CFHR5: variants seen among roughly 807,000 people sequenced by gnomAD.
The protein encoded by CFHR5 is complement factor H related 5.
In CFHR5, 73 loss-of-function variants were observed where a neutral mutation model predicts 62.9. The ratio of observed to expected loss-of-function variants is 1.16; its 90% CI spans 0.96 to 1.41. The LOEUF (loss-of-function observed/expected upper bound fraction) is 1.41. Ranked by LOEUF, CFHR5 falls within the 40% of genes most tolerant of loss-of-function variation. CFHR5 has a pLI of 0.00. For synonymous variants in CFHR5, 249 were observed against 227.2 expected (o/e 1.10, Z -0.86); for missense variants, 779 against 679.9 (o/e 1.15, Z -1.62).
Position 196,977,619 on chromosome 1 carries a change from C to A in CFHR5, c.-46C>A, listed in dbSNP as rs747585174. 9.8e-6 allele frequency: 14 copies of A among 1,435,416 alleles called. No homozygotes were observed. The highest frequency in any genetic ancestry group is 1.4e-5 in the Non-Finnish European group (14 of 1,017,930). 88.9% of individuals were successfully genotyped at this position (1,435,416 alleles called of 1,614,324 possible). ...TGAAAGCAGATTTAAAGCAACACCACCATCACTGGAGTATTTTTAGTTATA... is the reference window on the plus strand; with the variant it reads ...TGAAAGCAGATTTAAAGCAACACCAACATCACTGGAGTATTTTTAGTTATA... On this transcript the variant is annotated 5_prime_UTR_variant, in exon 1 of 10. Transcript: ENST00000256785.
chr1:196,978,800 T>C (rs950676478), intron 1 of CFHR5, among the ~76,000 whole-genome samples: 1 of 152,110 alleles, frequency 6.6e-6, no homozygotes, highest in African/African-American at 2.4e-5. Flanking sequence ...CTGTTACAAA[T>C]GGCATTACAC....
chr1:196,984,444 A>G (rs1019140900), intron 3 of CFHR5, among the ~76,000 whole-genome samples: 7 of 152,212 alleles, frequency 4.6e-5, no homozygotes, highest in African/African-American at 1.7e-4. Flanking sequence ...AAACTGAGGT[A>G]TTAAAGTGCA....
intron 6 of CFHR5, among the ~76,000 whole-genome samples, chr1:196,997,217 T>C (rs1654015795): frequency 6.6e-6 from 1 of 152,108 alleles, no homozygotes; most frequent in Non-Finnish European, 1.5e-5. Flanking sequence ...TCCCAGCAAA[T>C]ACCTGGTCAG....
Position 196,998,183 on chromosome 1 carries a change from C to G in CFHR5, c.1026C>G (p.Leu342=), listed in dbSNP as rs1427015963. 2.5e-6 allele frequency: 4 copies of G among 1,598,832 alleles called. No individual in the cohort carries two copies. The highest frequency in any genetic ancestry group is 3.4e-6 in the Non-Finnish European group (4 of 1,171,428). The part of the protein sequence containing the change: ...KIAGVNIKTL[L]KLSGKEFNHN... ...CAGGAGTTAATATAAAAACATTACT[C>G]AAGCTATCTGGGAAAGAATTTAATC... The change falls in exon 7 of 10, where the codon CTC becomes CTG. Residue 342 remains leucine (L), a synonymous_variant. Coordinates refer to ENST00000256785, the MANE Select transcript of CFHR5 (RefSeq NM_030787.4).
chr1:196,998,034 T>C, intron 6 of CFHR5, 94 bp from the exon 7 acceptor site: 1 of 796,080 alleles, frequency 1.3e-6, no homozygotes, highest in Admixed American at 2.6e-5. Flanking sequence ...TTTTGTGATG[T>C]TGCTTAAAAG....
rs143240067 is a variant in CFHR5 at position 196,996,066 on chromosome 1, T to A, written c.835T>A (p.Tyr279Asn). The change falls in exon 6 of 10, where the codon TAT becomes AAT. Residue 279 changes from tyrosine to asparagine, a missense_variant. Coordinates refer to ENST00000256785, the MANE Select transcript of CFHR5 (RefSeq NM_030787.4). ...CGYIPELEYGYVQPSVPPYQH... is the reference protein window; with the variant it reads ...CGYIPELEYGNVQPSVPPYQH... ...ATACATACCTGAACTCGAGTACGGT[T>A]ATGTTCAGCCGTCTGTCCCTCCCTA... 194 of 1,613,860 alleles carry A rather than the reference T, an allele frequency of 1.2e-4. No homozygotes were observed. The African/African-American group carries it at 2.1e-3, about 17-fold the overall frequency.
chr1:196,984,072 A>G lies in CFHR5; in HGVS notation c.365A>G (p.Asn122Ser). ...TGCAACACAGGATACAGCCTTCAAAACAATGAGAAAAACATTTCGTGTGTA... is the reference window on the plus strand; with the variant it reads ...TGCAACACAGGATACAGCCTTCAAAGCAATGAGAAAAACATTTCGTGTGTA... ...IICNTGYSLQNNEKNISCVER... is the reference protein window; with the variant it reads ...IICNTGYSLQSNEKNISCVER... Residue 122 changes from asparagine (N) to serine (S), a missense_variant, in exon 3 of 10, where the codon AAC becomes AGC. Transcript: ENST00000256785. 6.2e-7 allele frequency: 1 copy of G among 1,613,866 alleles called. No individual in the cohort carries two copies. Among genetic ancestry groups the G allele is most frequent in the Non-Finnish European group, 8.5e-7 (1 of 1,179,832 alleles).
chr1:196,997,548 G>C (rs188812625), intron 6 of CFHR5, among the ~76,000 whole-genome samples: 1 of 152,054 alleles, frequency 6.6e-6, no homozygotes, highest in African/African-American at 2.4e-5. Flanking sequence ...ACTTAGACAA[G>C]CAAGAGGCTT....
intron 4 of CFHR5, among the ~76,000 whole-genome samples, chr1:196,994,889 A>C (rs1448380957): frequency 6.6e-6 from 1 of 152,182 alleles, no homozygotes; most frequent in South Asian, 2.1e-4. Flanking sequence ...TGTGCAGGGA[A>C]ACCTCCCTTT....
chr1:196,987,054 C>T (rs148831004), intron 3 of CFHR5, among the ~76,000 whole-genome samples: 2,700 of 152,176 alleles, frequency 0.018, 29 homozygotes, highest in Middle Eastern at 0.027. Context: ...TTTTAATGAT[C>T]GCCATTCTAA....
intron 3 of CFHR5, among the ~76,000 whole-genome samples, chr1:196,984,608 G>C (rs1243184946): frequency 1.3e-5 from 2 of 152,106 alleles, no homozygotes; most frequent in African/African-American, 4.8e-5. Flanking sequence ...CTTAGAATTT[G>C]GAAAACGATT....
At chr1:196,999,683 GTATATATATATATATATATA>G (rs35191504) in intron 7 of CFHR5, among the ~76,000 whole-genome samples, 47 of 110,654 alleles carry the variant, frequency 4.2e-4, no homozygotes, top group South Asian at 3.4e-3. Context: ...TTGGGAAAAA[GTATATATATATATATATATA>G]TATATATATA....
intron 7 of CFHR5, among the ~76,000 whole-genome samples, chr1:197,000,410 C>T (rs1222253015): frequency 6.6e-6 from 1 of 152,114 alleles, no homozygotes; most frequent in Admixed American, 6.6e-5. Flanking sequence ...TTCAACTAGA[C>T]TCTGTCTTTA....
At chr1:197,002,458 T>C (rs1558290141) in intron 7 of CFHR5, 24 bp from the exon 8 acceptor site, 2 of 1,585,136 alleles carry the variant, frequency 1.3e-6, no homozygotes, top group Non-Finnish European at 1.7e-6. Context: ...ATTAATCATA[T>C]AATTTAATTC....
At chr1:196,977,860 T>G (rs980356488) in intron 1 of CFHR5, 138 bp downstream of exon 1, 1 of 731,144 alleles carries the variant, frequency 1.4e-6, no homozygotes, top group Non-Finnish European at 2.4e-6. Flanking sequence ...ATTCATCTAT[T>G]TTCTGGAAAT....
At chr1:196,985,302 G>A (rs1653654082) in intron 3 of CFHR5, among the ~76,000 whole-genome samples, 1 of 152,084 alleles carries the variant, frequency 6.6e-6, no homozygotes, top group Non-Finnish European at 1.5e-5. Context: ...GACTGCACCA[G>A]TGCACTCCAA....
At chr1:196,985,693 C>T (rs796764641) in intron 3 of CFHR5, among the ~76,000 whole-genome samples, 1 of 152,118 alleles carries the variant, frequency 6.6e-6, no homozygotes, top group African/African-American at 2.4e-5. Context: ...AGAAGCTTGA[C>T]AAATTAAGTT....
chr1:196,980,155 T>C lies in CFHR5; in HGVS notation c.58+2433T>C, dbSNP rs186686529. 7.5e-4 allele frequency among the ~76,000 whole-genome samples: 114 copies of C among 152,280 alleles called. 1 individual carries two copies. In the East Asian group the frequency reaches 0.02, roughly 27 times the overall value. The stretch of plus-strand genomic sequence containing the variant: ...TTCCACTAGAAGGTCTTTAGGGCAG[T>C]AACATGCATGGAGCTGTCCTCTCCT... On this transcript the variant is annotated intron_variant, in intron 1 of 9. Coordinates refer to ENST00000256785, the MANE Select transcript of CFHR5 (RefSeq NM_030787.4).
chr1:196,979,065 C>T (rs1653469176), intron 1 of CFHR5, among the ~76,000 whole-genome samples: 1 of 152,026 alleles, frequency 6.6e-6, no homozygotes, highest in Admixed American at 6.6e-5. Flanking sequence ...CACTTTTGTA[C>T]AAATAGAAAA....
Sources: gnomAD v4.1 joint callset for allele counts (sites outside exome capture counted in the v4.1 genomes callset) on GRCh38, gnomAD v4.1.1 for gene constraint, MANE v1.5 for transcripts, NCBI Gene and HGNC (gene_info 2026-07-23, HGNC 2026-07-21) for gene names.